DAPK1: variants seen among roughly 807,000 people sequenced by gnomAD.
The protein encoded by DAPK1 is death-associated protein kinase 1.
Under a neutral mutation model 144.9 loss-of-function variants are expected in DAPK1, and 56 were observed. The ratio of observed to expected loss-of-function variants is 0.39; its 90% confidence interval spans 0.31 to 0.48. The LOEUF (loss-of-function observed/expected upper bound fraction) is 0.48, where lower values mean the gene tolerates loss of function less well. Among genes scored for constraint, DAPK1 ranks in the 20% least tolerant of loss-of-function variants. The probability of loss-of-function intolerance (pLI) is 0.95; values close to 1 mark genes in which losing one functional copy is unlikely to be tolerated. For synonymous variants in DAPK1, 690 were observed against 749.0 expected, an observed-to-expected ratio of 0.92 and a Z score of 1.29; for missense variants, 1,454 against 1,875.4, an observed-to-expected ratio of 0.78 and a Z score of 4.15.
Position 87,686,751 on chromosome 9 carries a change from C to CT in DAPK1, c.2413+13dup. On this transcript the variant is annotated intron_variant, in intron 21 of 25. Transcript: ENST00000408954. The surrounding 1 kb of genome is among the most constrained non-coding windows in gnomAD (Gnocchi z 4.2). Reference sequence around the variant, plus strand: ...CGCTTATTTGAATGGTATGCCCTGCCTGCCCCAAGGGAAGGACCTCAGGTT... The same window carrying CT: ...CGCTTATTTGAATGGTATGCCCTGCCTTGCCCCAAGGGAAGGACCTCAGGTT... 4 of 1,594,200 alleles carry CT rather than the reference C, an allele frequency of 2.5e-6. No homozygotes were observed. Among genetic ancestry groups the CT allele is most frequent in the Non-Finnish European group, 3.4e-6 (4 of 1,163,450 alleles).
intron 2 of DAPK1, among the ~76,000 whole-genome samples, chr9:87,582,337 C>T (rs1408634885): frequency 6.6e-6 from 1 of 152,178 alleles, no homozygotes; most frequent in African/African-American, 2.4e-5. Flanking sequence ...TCATTAGCGT[C>T]TCTGGGACTG....
chr9:87,597,681 C>T (rs1057042139), intron 2 of DAPK1, among the ~76,000 whole-genome samples: 2 of 152,134 alleles, frequency 1.3e-5, no homozygotes, highest in Non-Finnish European at 2.9e-5. Flanking sequence ...AGGCCTCCTG[C>T]TTTCTCAAGT....
At chr9:87,662,169 G>A (rs1012775735) in intron 18 of DAPK1, among the ~76,000 whole-genome samples, 1 of 152,086 alleles carries the variant, frequency 6.6e-6, no homozygotes, top group African/African-American at 2.4e-5. Context: ...TCCCTATTCT[G>A]TTCTATTCCA....
intron 3 of DAPK1, among the ~76,000 whole-genome samples, chr9:87,626,688 A>G (rs374556905): frequency 1.6e-4 from 24 of 152,332 alleles, no homozygotes; most frequent in African/African-American, 4.8e-4. Flanking sequence ...TGTAAAGACC[A>G]TCAGTTAGGG....
At chr9:87,513,663 C>A (rs1824936713) in intron 2 of DAPK1, among the ~76,000 whole-genome samples, 1 of 152,182 alleles carries the variant, frequency 6.6e-6, no homozygotes, top group South Asian at 2.1e-4. Flanking sequence ...ATGCTGGAAG[C>A]AGTAGTTGGA....
chr9:87,668,951 C>T (rs1191681153), intron 19 of DAPK1: 1 of 341,088 alleles, frequency 2.9e-6, no homozygotes, highest in East Asian at 5.6e-5. Flanking sequence ...ACCACTCCCA[C>T]AAAGTAGCGG....
At chr9:87,510,074 C>A (rs181603794) in intron 2 of DAPK1, among the ~76,000 whole-genome samples, 1 of 152,196 alleles carries the variant, frequency 6.6e-6, no homozygotes, top group Non-Finnish European at 1.5e-5. Flanking sequence ...CCTCAGGCAT[C>A]CGTTTCAATT....
At chr9:87,549,818 G>A (rs1024771231) in intron 2 of DAPK1, among the ~76,000 whole-genome samples, 1 of 152,162 alleles carries the variant, frequency 6.6e-6, no homozygotes, top group African/African-American at 2.4e-5. Flanking sequence ...ATATGGAAAA[G>A]TGGGGGAAAA....
At chr9:87,619,769 T>C (rs981080086) in intron 3 of DAPK1, among the ~76,000 whole-genome samples, 1 of 152,222 alleles carries the variant, frequency 6.6e-6, no homozygotes, top group Non-Finnish European at 1.5e-5. Flanking sequence ...GGCATTGTTA[T>C]GCTAGAGGCC....
At chr9:87,635,802 G>A (rs1048700484) in intron 3 of DAPK1, among the ~76,000 whole-genome samples, 1 of 152,154 alleles carries the variant, frequency 6.6e-6, no homozygotes, top group Non-Finnish European at 1.5e-5. Context: ...GGGTGAGCGC[G>A]TGGCAGAAGT....
At chr9:87,647,674 A>T (rs1830317722) in intron 14 of DAPK1, among the ~76,000 whole-genome samples, 1 of 152,222 alleles carries the variant, frequency 6.6e-6, no homozygotes, top group African/African-American at 2.4e-5. Flanking sequence ...GTTCTAGTAC[A>T]GACAACCAGA....
At chr9:87,611,094 A>G (rs934549798) in intron 3 of DAPK1, among the ~76,000 whole-genome samples, 1 of 152,258 alleles carries the variant, frequency 6.6e-6, no homozygotes, top group African/African-American at 2.4e-5. Context: ...GAGAAGTAAC[A>G]TGAGAAAGAC....
At chr9:87,630,057 G>A (rs1452489239) in intron 3 of DAPK1, among the ~76,000 whole-genome samples, 2 of 152,110 alleles carry the variant, frequency 1.3e-5, no homozygotes, top group African/African-American at 2.4e-5. Flanking sequence ...CAGCCCCCGA[G>A]CTGCTTCAGT....
chr9:87,653,609 C>T (rs747111987), intron 17 of DAPK1, among the ~76,000 whole-genome samples: 1 of 152,116 alleles, frequency 6.6e-6, no homozygotes, highest in Non-Finnish European at 1.5e-5. Flanking sequence ...ACTAAGTCTT[C>T]AGGAAAATGT....
chr9:87,686,772 A>G lies in DAPK1; in HGVS notation c.2413+33A>G, dbSNP rs758709510. 21 of 1,525,798 alleles carry G rather than the reference A, an allele frequency of 1.4e-5. No homozygotes were observed. Among genetic ancestry groups the G allele is most frequent in the African/African-American group, 2.7e-5 (2 of 73,332 alleles). The allele number at this position is 1,525,798 out of a possible 1,614,324, so 94.5% of individuals were successfully genotyped here. The stretch of plus-strand genomic sequence containing the variant: ...CTGCCTGCCCCAAGGGAAGGACCTC[A>G]GGTTTCCCTTCAACAGGGTTGTAAG... On this transcript the variant is annotated intron_variant, in intron 21 of 25. Transcript: ENST00000408954. The surrounding 1 kb of genome is among the most constrained non-coding windows in gnomAD (Gnocchi z 4.2).
Position 87,675,848 on chromosome 9 carries a change from TACACACACACACACACACACACACAC to T in DAPK1, c.2002-5533_2002-5508del, listed in dbSNP as rs763359644. On this transcript the variant is annotated intron_variant, in intron 19 of 25. Transcript: ENST00000408954. The stretch of plus-strand genomic sequence containing the variant: ...TAATACAGGTAAATACATTCTACCC[TACACACACACACACACACACACACAC>T]ACACACACACACACACACACACCCT... Among the ~76,000 whole-genome samples the T allele has an allele frequency of 1.4e-4, 17 of 117,346 alleles. No individual in the cohort carries two copies. In the East Asian group the frequency reaches 4.5e-3, roughly 31 times the overall value. 77.0% of individuals were successfully genotyped at this position (117,346 alleles called of 152,430 possible).
At chr9:87,604,082 T>C (rs1293818596) in intron 2 of DAPK1, among the ~76,000 whole-genome samples, 1 of 152,148 alleles carries the variant, frequency 6.6e-6, no homozygotes, top group Admixed American at 6.5e-5. Context: ...CCTGGTTTCT[T>C]TCCTTTTACT....
At position 87,604,974 on chromosome 9, in the gene DAPK1, A is replaced by C. The variant is rs1828659436; in HGVS notation, c.83A>C (p.Lys28Thr). The change falls in exon 3 of 26, where the codon AAG becomes ACG. Residue 28 changes from lysine (K) to threonine (T), a missense_variant. Transcript: ENST00000408954. ...ELGSGQFAVV[K>T]KCREKSTGLQ... ...TTCAGTGGACAGTTTGCGGTTGTGA[A>C]GAAATGCCGTGAGAAAAGCACCGGC... 1 of 1,614,124 alleles carries C rather than the reference A, an allele frequency of 6.2e-7. No individual in the cohort carries two copies.
chr9:87,664,788 CT>C (rs1830992111), intron 18 of DAPK1, among the ~76,000 whole-genome samples: 1 of 152,226 alleles, frequency 6.6e-6, no homozygotes, highest in East Asian at 1.9e-4. Context: ...GCTCTAGCAA[CT>C]TCTCATGGGA....
Sources: allele counts gnomAD v4.1 joint callset (sites outside exome capture counted in the v4.1 genomes callset), GRCh38; gene constraint gnomAD v4.1.1; non-coding constraint Gnocchi (gnomAD v3.1); transcripts MANE v1.5; gene names NCBI Gene and HGNC (gene_info 2026-07-23, HGNC 2026-07-21).